KAT6B: variants seen among roughly 807,000 people sequenced by gnomAD.
KAT6B encodes the protein lysine acetyltransferase 6B.
In KAT6B, 10 loss-of-function variants were observed where a neutral mutation model predicts 187.5. The ratio of observed to expected loss-of-function variants is 0.05; its 90% CI spans 0.03 to 0.09. The LOEUF is 0.09. Ranked by LOEUF, KAT6B falls within the 10% of genes least tolerant of loss-of-function variation. KAT6B has a pLI of 1.00. For synonymous variants in KAT6B, 861 were observed against 926.8 expected, an observed-to-expected ratio of 0.93 and a Z score of 1.29; for missense variants, 1,952 against 2,558.9, an observed-to-expected ratio of 0.76 and a Z score of 5.12.
intron 3 of KAT6B, among the ~76,000 whole-genome samples, chr10:74,844,765 A>G (rs1841980182): frequency 6.6e-6 from 1 of 152,156 alleles, no homozygotes. Flanking sequence ...AAGCTACAGT[A>G]TTTACTTCCC....
chr10:75,018,684 G>A (rs1845170198), intron 13 of KAT6B, among the ~76,000 whole-genome samples: 1 of 152,190 alleles, frequency 6.6e-6, no homozygotes, highest in African/African-American at 2.4e-5. Flanking sequence ...ATACCACCTT[G>A]GTATGAACAC....
At chr10:75,000,246 A>G (rs1223159839) in intron 13 of KAT6B, among the ~76,000 whole-genome samples, 1 of 151,976 alleles carries the variant, frequency 6.6e-6, no homozygotes, top group Non-Finnish European at 1.5e-5. Flanking sequence ...CTGGGGACAC[A>G]GGAACCTAGT....
At chr10:74,921,055 T>A (rs1334320031) in intron 3 of KAT6B, among the ~76,000 whole-genome samples, 1 of 152,110 alleles carries the variant, frequency 6.6e-6, no homozygotes, top group Non-Finnish European at 1.5e-5. Context: ...TTTTCCTTTA[T>A]TTTGGTTTAA....
At chr10:74,983,591 AT>A (rs1435058385) in intron 11 of KAT6B, 1 of 152,194 alleles carries the variant, frequency 6.6e-6, no homozygotes. Flanking sequence ...GCCTTAAGTA[AT>A]TATTTCATAA....
chr10:74,958,825 G>A, intron 3 of KAT6B, among the ~76,000 whole-genome samples: 1 of 151,800 alleles, frequency 6.6e-6, no homozygotes, highest in South Asian at 2.1e-4. Flanking sequence ...GGATCATGAG[G>A]TCAGAAGATC....
rs546604344 is a variant in KAT6B, at chr10:74,996,566, C to T, written c.2629+7454C>T. ...CAGGCAGATCACGAGGTCAGGAGAT[C>T]GAGACCATCCTGGCTAACATGGTGA... On this transcript the variant is annotated intron_variant, in intron 13 of 17. Transcript: ENST00000287239. Among the ~76,000 whole-genome samples the T allele has an allele frequency of 9.2e-5, 14 of 151,732 alleles. No homozygotes were observed. In the South Asian group the frequency reaches 2.3e-3, roughly 25 times the overall value.
intron 3 of KAT6B, among the ~76,000 whole-genome samples, chr10:74,875,763 G>A (rs1844368315): frequency 6.6e-6 from 1 of 152,164 alleles, no homozygotes; most frequent in South Asian, 2.1e-4. Context: ...ACTGTGCCCA[G>A]CCTGTCTTCC....
At chr10:74,905,166 C>CA (rs1314626429) in intron 3 of KAT6B, among the ~76,000 whole-genome samples, 2 of 151,930 alleles carry the variant, frequency 1.3e-5, no homozygotes, top group Non-Finnish European at 2.9e-5. Context: ...TTTGACAGTA[C>CA]AAAAAAACAC....
intron 1 of KAT6B, among the ~76,000 whole-genome samples, chr10:74,828,016 A>G (rs913158026): frequency 6.6e-6 from 1 of 152,136 alleles, no homozygotes; most frequent in African/African-American, 2.4e-5. Context: ...GTCCGGCAGC[A>G]GGGTATCCCA....
intron 3 of KAT6B, among the ~76,000 whole-genome samples, chr10:74,872,894 C>T (rs1166681630): frequency 6.6e-6 from 1 of 151,988 alleles, no homozygotes; most frequent in Non-Finnish European, 1.5e-5. Flanking sequence ...CTGTAAAGGA[C>T]AGTATTGGGG....
chr10:74,957,590 T>G (rs2133483883), intron 3 of KAT6B, among the ~76,000 whole-genome samples: 1 of 152,336 alleles, frequency 6.6e-6, no homozygotes, highest in East Asian at 1.9e-4. Context: ...GTTTGGAGAT[T>G]TGGATTTGTT....
Position 75,029,052 on chromosome 10 carries a change from G to A in KAT6B, c.4228G>A (p.Glu1410Lys). 1 of 1,614,146 alleles carries A rather than the reference G, an allele frequency of 6.2e-7. No individual in the cohort carries two copies. The highest frequency in any genetic ancestry group is 8.5e-7 in the Non-Finnish European group (1 of 1,180,016). ...EDSARLDDHE[E>K]EEEEDEEPSH... ...CTCTGCACGTTTGGATGATCACGAA[G>A]AGGAGGAGGAAGAGGATGAAGAGCC... Residue 1410 changes from glutamate (E) to lysine (K), a missense_variant, in exon 18 of 18, where the codon GAG becomes AAG. Glu to Lys is a moderately conservative substitution (Grantham distance 56). Transcript: ENST00000287239. The surrounding 1 kb of genome is among the most constrained non-coding windows in gnomAD (Gnocchi z 6.2).
chr10:74,985,345 G>A, intron 12 of KAT6B, 104 bp downstream of exon 12: 1 of 1,160,550 alleles, frequency 8.6e-7, no homozygotes, highest in Non-Finnish European at 1.3e-6. Flanking sequence ...TTGAATAAGT[G>A]ACATGTGTTT....
chr10:74,869,248 T>G (rs1229007464), intron 3 of KAT6B, among the ~76,000 whole-genome samples: 1 of 149,534 alleles, frequency 6.7e-6, no homozygotes, highest in Non-Finnish European at 1.5e-5. Flanking sequence ...AGCTATGCAG[T>G]TTTTTTTTTA....
intron 3 of KAT6B, among the ~76,000 whole-genome samples, chr10:74,886,900 T>C (rs11001193): frequency 0.12 from 18,681 of 152,050 alleles, 1,689 homozygotes; most frequent in South Asian, 0.28. Flanking sequence ...GGGTGAGTCC[T>C]GAGGGCCTGA....
intron 1 of KAT6B, among the ~76,000 whole-genome samples, chr10:74,829,351 C>T (rs1286471838): frequency 2.6e-5 from 4 of 152,148 alleles, no homozygotes; most frequent in Admixed American, 2.0e-4. Context: ...TAGTAAAAGA[C>T]GTAACTAAGT....
chr10:74,946,632 A>G (rs552160972), intron 3 of KAT6B, among the ~76,000 whole-genome samples: 2 of 152,218 alleles, frequency 1.3e-5, no homozygotes, highest in Non-Finnish European at 2.9e-5. Context: ...CCTACATAAA[A>G]AAATCATAGT....
chr10:74,839,556 C>T (rs980985649), intron 2 of KAT6B, among the ~76,000 whole-genome samples: 7 of 152,060 alleles, frequency 4.6e-5, no homozygotes, highest in African/African-American at 9.7e-5. Flanking sequence ...AATGTACGTT[C>T]GTTTGCTTGT....
At chr10:74,833,887 T>C (rs1391894820) in intron 1 of KAT6B, among the ~76,000 whole-genome samples, 1 of 152,264 alleles carries the variant, frequency 6.6e-6, no homozygotes, top group African/African-American at 2.4e-5. Context: ...GAATTAAATA[T>C]TCAGTTCAAC....
Sources: gnomAD v4.1 joint callset for allele counts (sites outside exome capture counted in the v4.1 genomes callset) on GRCh38, gnomAD v4.1.1 for gene constraint, Gnocchi (gnomAD v3.1) non-coding constraint, MANE v1.5 for transcripts, NCBI Gene and HGNC (gene_info 2026-07-23, HGNC 2026-07-21) for gene names.